MOB1B: variants seen among roughly 807,000 people sequenced by gnomAD.
MOB1B encodes the protein MOB kinase activator 1B.
A neutral mutation model predicts 24.4 loss-of-function variants in MOB1B; 19 were observed. That is an observed-to-expected ratio of 0.78 (90% CI 0.54 to 1.14). The LOEUF (loss-of-function observed/expected upper bound fraction) is 1.14, where lower values mean the gene tolerates loss of function less well. MOB1B is among the 50% of genes most tolerant of loss of function. The pLI is 0.00. For missense variants in MOB1B, 243 were observed against 259.6 expected, an observed-to-expected ratio of 0.94 and a Z score of 0.44; for synonymous variants, 76 against 82.1, an observed-to-expected ratio of 0.93 and a Z score of 0.40.
chr4:70,909,675 A>G (rs1735898142), intron 1 of MOB1B, among the ~76,000 whole-genome samples: 2 of 152,086 alleles, frequency 1.3e-5, no homozygotes, highest in Non-Finnish European at 2.9e-5. Flanking sequence ...GCCAGTAAAT[A>G]GTGTAGCTGG....
chr4:70,959,988 A>G (rs1738237493), intron 2 of MOB1B, among the ~76,000 whole-genome samples: 1 of 151,980 alleles, frequency 6.6e-6, no homozygotes, highest in South Asian at 2.1e-4. Context: ...GGTTCAAGCG[A>G]TTCTTCTGCC....
chr4:70,939,541 G>A (rs976405348), intron 1 of MOB1B, among the ~76,000 whole-genome samples: 1 of 152,142 alleles, frequency 6.6e-6, no homozygotes, highest in African/African-American at 2.4e-5. Flanking sequence ...AATTATCCAG[G>A]CATGGTGGCG....
chr4:70,956,910 T>TCTTACTTTATTTCAAGATC (rs1264984799), intron 1 of MOB1B, among the ~76,000 whole-genome samples: 1 of 152,118 alleles, frequency 6.6e-6, no homozygotes, highest in Non-Finnish European at 1.5e-5. Flanking sequence ...ACTGATAGAT[T>TCTTACTTTATTTCAAGATC]CTTACTTTAT....
intron 1 of MOB1B, among the ~76,000 whole-genome samples, chr4:70,954,148 C>T (rs1737932774): frequency 6.6e-6 from 1 of 152,080 alleles, no homozygotes. Context: ...TTATCTTTTC[C>T]CCCATTCAGT....
intron 1 of MOB1B, among the ~76,000 whole-genome samples, chr4:70,949,994 C>T (rs772536806): frequency 2.0e-5 from 3 of 151,934 alleles, no homozygotes; most frequent in South Asian, 2.1e-4. Flanking sequence ...AAAAAAGGTG[C>T]CTATTAATAA....
chr4:70,944,850 T>C (rs1181165589), intron 1 of MOB1B, among the ~76,000 whole-genome samples: 1 of 152,044 alleles, frequency 6.6e-6, no homozygotes, highest in Non-Finnish European at 1.5e-5. Flanking sequence ...CACTATCACA[T>C]AGACATCACC....
Position 70,972,344 on chromosome 4 carries a change from A to G in MOB1B, c.275+2320A>G, listed in dbSNP as rs1040268718. ...TCTTCCCTGCCTCAACCTCTTGAGTAGCTGGGATTACAGGTGCATGCCACC... is the reference window on the plus strand; with the variant it reads ...TCTTCCCTGCCTCAACCTCTTGAGTGGCTGGGATTACAGGTGCATGCCACC... On this transcript the variant is annotated intron_variant, in intron 3 of 5. Transcript: ENST00000309395. Among the ~76,000 whole-genome samples, 6 of 152,062 alleles carry G rather than the reference A, an allele frequency of 3.9e-5. No homozygotes were observed. The South Asian group carries it at 1.2e-3, about 32-fold the overall frequency.
intron 1 of MOB1B, among the ~76,000 whole-genome samples, chr4:70,952,650 A>C (rs553162098): frequency 4.0e-5 from 6 of 151,430 alleles, no homozygotes; most frequent in African/African-American, 1.5e-4. Flanking sequence ...CTCAAAAAAA[A>C]AAAAAAAAAC....
chr4:70,965,451 C>T (rs184528918), intron 2 of MOB1B, among the ~76,000 whole-genome samples: 1,558 of 150,098 alleles, frequency 0.01, 14 homozygotes, highest in Admixed American at 0.016. Flanking sequence ...GCACAAATAA[C>T]CAATATCAGG....
intron 1 of MOB1B, among the ~76,000 whole-genome samples, chr4:70,939,284 T>C (rs1357090439): frequency 2.0e-5 from 3 of 152,298 alleles, no homozygotes; most frequent in South Asian, 2.1e-4. Context: ...AAGTGAAGTT[T>C]TTTAAATCAT....
intron 1 of MOB1B, among the ~76,000 whole-genome samples, chr4:70,910,995 C>T (rs988607822): frequency 1.3e-5 from 2 of 152,152 alleles, no homozygotes; most frequent in East Asian, 1.9e-4. Context: ...ACCATATTGG[C>T]CAGGCTGTTC....
chr4:70,969,665 C>G (rs1286104995), intron 2 of MOB1B, among the ~76,000 whole-genome samples: 1 of 152,070 alleles, frequency 6.6e-6, no homozygotes. Context: ...TATATGAGTT[C>G]TTTATCTATT....
intron 1 of MOB1B, among the ~76,000 whole-genome samples, chr4:70,956,747 T>A (rs1738070127): frequency 6.6e-6 from 1 of 152,140 alleles, no homozygotes; most frequent in Non-Finnish European, 1.5e-5. Context: ...AAAGTGATCC[T>A]TTTGCTGTTG....
At chr4:70,960,127 C>T (rs1267983369) in intron 2 of MOB1B, among the ~76,000 whole-genome samples, 1 of 151,962 alleles carries the variant, frequency 6.6e-6, no homozygotes, top group Non-Finnish European at 1.5e-5. Flanking sequence ...TGTGATCCAC[C>T]CACTTCAGCT....
intron 2 of MOB1B, among the ~76,000 whole-genome samples, chr4:70,963,149 C>T (rs368378536): frequency 3.9e-4 from 59 of 152,154 alleles, no homozygotes; most frequent in African/African-American, 1.4e-3. Flanking sequence ...ACATAGAGCT[C>T]TTAAATTCAG....
upstream of MOB1B, among the ~76,000 whole-genome samples, chr4:70,902,124 C>G (rs927451466): frequency 6.6e-6 from 1 of 152,178 alleles, no homozygotes; most frequent in African/African-American, 2.4e-5. Flanking sequence ...GACAGGGGGG[C>G]CGGGCAGCCG....
At chr4:70,918,334 C>T (rs1736276561) in intron 1 of MOB1B, among the ~76,000 whole-genome samples, 1 of 151,400 alleles carries the variant, frequency 6.6e-6, no homozygotes, top group Non-Finnish European at 1.5e-5. Flanking sequence ...TATTTCTCCA[C>T]ATCCTCTCCA....
At chr4:70,958,794 A>G in intron 1 of MOB1B, 80 bp from the exon 2 acceptor site, 1 of 1,233,820 alleles carries the variant, frequency 8.1e-7, no homozygotes, top group Non-Finnish European at 1.2e-6. Flanking sequence ...AATACAGTTT[A>G]GGTCTAATGC....
rs369527240 is a variant in MOB1B at position 70,939,378 on chromosome 4, C to G, written c.15-19496C>G. On this transcript the variant is annotated intron_variant, in intron 1 of 5. Coordinates refer to ENST00000309395, the MANE Select transcript of MOB1B (RefSeq NM_173468.4). ...GTAGATGAATAACTGATTTAATGTC[C>G]CTAAGAAAACCCAATCCTAGTCTGG... is the stretch of plus-strand genomic sequence containing the variant. Among the ~76,000 whole-genome samples the G allele has an allele frequency of 9.9e-5, 15 of 152,068 alleles. 1 individual carries two copies. Among genetic ancestry groups the G allele is most frequent in the African/African-American group, 3.6e-4 (15 of 41,478 alleles).
Sources: allele counts gnomAD v4.1 joint callset (sites outside exome capture counted in the v4.1 genomes callset), GRCh38; gene constraint gnomAD v4.1.1; transcripts MANE v1.5; gene names NCBI Gene and HGNC (gene_info 2026-07-23, HGNC 2026-07-21).